The following KLRG1 variants were observed in gnomAD, a reference collection of about 807,000 sequenced individuals.
KLRG1 encodes killer cell lectin-like receptor subfamily G member 1.
In KLRG1, 16 loss-of-function variants were observed where a neutral mutation model predicts 21.8. The ratio of observed to expected loss-of-function variants is 0.73; its 90% confidence interval spans 0.50 to 1.11. The LOEUF is 1.11. Ranked by LOEUF, KLRG1 falls within the 50% of genes most tolerant of loss-of-function variation. The pLI is 0.00. For synonymous variants in KLRG1, 69 were observed against 75.9 expected, an observed-to-expected ratio of 0.91 and a Z score of 0.47; for missense variants, 173 against 218.3, an observed-to-expected ratio of 0.79 and a Z score of 1.31.
the KLRG1 span, chr12:9,157,326 G>C: frequency 1.2e-6 from 2 of 1,613,874 alleles, no homozygotes; most frequent in East Asian, 2.2e-5. Context: ...CTGACTCCAG[G>C]CAGAACAGGG....
intron 1 of KLRG1, among the ~76,000 whole-genome samples, chr12:8,962,145 TAGAA>T (rs1199117940): frequency 3.3e-5 from 5 of 151,918 alleles, no homozygotes; most frequent in African/African-American, 7.2e-5. Context: ...AAAAAATTAA[TAGAA>T]AGAGACCCAG....
intron 1 of KLRG1, among the ~76,000 whole-genome samples, chr12:8,982,357 T>G (rs1257525449): frequency 6.6e-6 from 1 of 152,194 alleles, no homozygotes; most frequent in Non-Finnish European, 1.5e-5. Flanking sequence ...TTCTGGAGGC[T>G]TTAGAGGAGA....
the KLRG1 span, among the ~76,000 whole-genome samples, chr12:9,019,924 C>T: frequency 6.6e-6 from 1 of 152,088 alleles, no homozygotes; most frequent in Non-Finnish European, 1.5e-5. Context: ...ACTTTCTTGT[C>T]TCTGTTAACA....
chr12:9,162,299 A>G, the KLRG1 span: 3 of 301,042 alleles, frequency 1.0e-5, no homozygotes, highest in Admixed American at 5.1e-5. Flanking sequence ...GGGACACTCT[A>G]AGCTTCTGCA....
intron 1 of KLRG1, among the ~76,000 whole-genome samples, chr12:8,990,678 T>C (rs1946941609): frequency 6.6e-6 from 1 of 152,136 alleles, no homozygotes; most frequent in African/African-American, 2.4e-5. Flanking sequence ...TCAAAGTATA[T>C]GTTCAAGGTC....
In KLRG1 at chr12:8,955,834, G is replaced by A. The variant is rs190744761; in HGVS notation, c.-156+5598G>A. On this transcript the variant is annotated intron_variant, in intron 1 of 4. Transcript: ENST00000539240. ...GGGTCCCTGGTGAAAACCAACCTTC[G>A]AGTCAAAGACCGCCGGAAGCCTGAA... is the stretch of plus-strand genomic sequence containing the variant. Among the ~76,000 whole-genome samples the A allele has an allele frequency of 3.7e-4, 56 of 152,110 alleles. 1 individual carries two copies. The East Asian group carries it at 7.0e-3, about 19-fold the overall frequency.
At chr12:9,175,091 A>G in the KLRG1 span, among the ~76,000 whole-genome samples, 1 of 152,248 alleles carries the variant, frequency 6.6e-6, no homozygotes, top group African/African-American at 2.4e-5. Context: ...CCAAAACAGC[A>G]TGGTACTGAT....
chr12:9,168,210 C>A, the KLRG1 span, among the ~76,000 whole-genome samples: 1 of 152,092 alleles, frequency 6.6e-6, no homozygotes, highest in Non-Finnish European at 1.5e-5. Context: ...GGATTTGAGG[C>A]TTAGAGAGGA....
the KLRG1 span, among the ~76,000 whole-genome samples, chr12:9,102,686 A>G: frequency 5.3e-5 from 8 of 152,154 alleles, no homozygotes; most frequent in Admixed American, 5.2e-4. Flanking sequence ...CTTGAGCAAA[A>G]CATTTTGTTC....
chr12:8,996,150 C>T (rs58820609), intron 3 of KLRG1, among the ~76,000 whole-genome samples: 3,282 of 152,158 alleles, frequency 0.022, 106 homozygotes, highest in African/African-American at 0.071. Flanking sequence ...AGAAAACACG[C>T]GTGCACGTGC....
At chr12:8,963,658 C>G (rs1412868242) in intron 1 of KLRG1, among the ~76,000 whole-genome samples, 2 of 152,240 alleles carry the variant, frequency 1.3e-5, no homozygotes, top group Non-Finnish European at 2.9e-5. Flanking sequence ...GTGAATCCAT[C>G]TGGTCCTGGA....
At chr12:9,194,049 C>T in the KLRG1 span, 4 of 1,586,504 alleles carry the variant, frequency 2.5e-6, no homozygotes, top group Non-Finnish European at 1.7e-6. Flanking sequence ...TTTCCTTTGT[C>T]CTCAGAGATT....
In KLRG1 at chr12:8,989,650, T is replaced by C; in HGVS notation, c.15T>C (p.Val5=). 1 of 1,606,896 alleles carries C rather than the reference T, an allele frequency of 6.2e-7. No individual in the cohort carries two copies. Among genetic ancestry groups the C allele is most frequent in the South Asian group, 1.1e-5 (1 of 90,618 alleles). The change falls in exon 1 of 5, where the codon GTT becomes GTC. Residue 5 remains valine, a synonymous_variant. Coordinates refer to ENST00000356986, the MANE Select transcript of KLRG1 (RefSeq NM_005810.4). ...CTTAGCTGAAGATGACTGACAGTGT[T>C]ATTTATTCCATGTTAGAGTTGCCTA... MTDS[V]IYSMLELPTA... is the part of the protein sequence containing the mutation.
At chr12:8,978,701 TTCTC>T (rs1267096415) in intron 1 of KLRG1, among the ~76,000 whole-genome samples, 4 of 150,418 alleles carry the variant, frequency 2.7e-5, no homozygotes, top group Admixed American at 6.7e-5. Flanking sequence ...TTTCTTTCTT[TTCTC>T]TCTCTCTCTT....
the KLRG1 span, chr12:9,196,282 A>G: frequency 2.3e-6 from 3 of 1,316,722 alleles, no homozygotes; most frequent in Admixed American, 1.7e-5. Context: ...TCCTGTGCTT[A>G]GGTGCAACTG....
the KLRG1 span, among the ~76,000 whole-genome samples, chr12:9,086,449 A>T: frequency 6.6e-6 from 1 of 152,246 alleles, no homozygotes; most frequent in Non-Finnish European, 1.5e-5. Flanking sequence ...CTACCTAGTC[A>T]AGTGGGATTT....
At chr12:8,968,766 C>A (rs11048338) in intron 1 of KLRG1, among the ~76,000 whole-genome samples, 3 of 151,880 alleles carry the variant, frequency 2.0e-5, no homozygotes, top group South Asian at 2.1e-4. Flanking sequence ...TATATTTGAC[C>A]AAAACAGAAT....
At chr12:9,047,636 A>T in the KLRG1 span, among the ~76,000 whole-genome samples, 1 of 152,156 alleles carries the variant, frequency 6.6e-6, no homozygotes. Context: ...AGAAAACAAG[A>T]CTCAATTATA....
chr12:9,027,837 C>T, the KLRG1 span: 8 of 1,054,826 alleles, frequency 7.6e-6, no homozygotes, highest in Non-Finnish European at 2.9e-6. Flanking sequence ...GTTTTCTCCA[C>T]TACCAAAGTT....
Sources: allele counts gnomAD v4.1 joint callset (sites outside exome capture counted in the v4.1 genomes callset), GRCh38; gene constraint gnomAD v4.1.1; transcripts MANE v1.5; gene names NCBI Gene and HGNC (gene_info 2026-07-23, HGNC 2026-07-21).